The following PLPPR4 variants were observed in gnomAD, a reference collection of about 807,000 sequenced individuals.
PLPPR4 encodes phospholipid phosphatase-related protein type 4.
Under a neutral mutation model 56.6 loss-of-function variants are expected in PLPPR4, and 24 were observed. That is an observed-to-expected ratio of 0.42 (90% confidence interval 0.31 to 0.60). The LOEUF (loss-of-function observed/expected upper bound fraction) is 0.60, where lower values mean the gene tolerates loss of function less well. PLPPR4 is among the 20% of genes least tolerant of loss of function. The pLI is 0.13. For synonymous variants in PLPPR4, 326 were observed against 328.1 expected, an observed-to-expected ratio of 0.99 and a Z score of 0.07; for missense variants, 654 against 885.8, an observed-to-expected ratio of 0.74 and a Z score of 3.32.
rs1384295627 is a variant in PLPPR4 at position 99,308,587 on chromosome 1, T to C, written c.*1577T>C. The C allele has an allele frequency of 1.3e-5, 2 of 152,622 alleles. No homozygotes were observed. Among genetic ancestry groups the C allele is most frequent in the East Asian group, 1.9e-4 (1 of 5,202 alleles). The allele number at this position is 152,622 out of a possible 1,614,324, so 9.5% of individuals were successfully genotyped here. ...GGATGAAAGGAAACAACAGAGATGG[T>C]TGATCTGATCTTAGCTCACTTTCCA... On this transcript the variant is annotated 3_prime_UTR_variant, in exon 7 of 7. Coordinates refer to ENST00000370185, the MANE Select transcript of PLPPR4 (RefSeq NM_014839.5).
At chr1:99,270,050 G>A in intron 1 of PLPPR4, among the ~76,000 whole-genome samples, 1 of 137,422 alleles carries the variant, frequency 7.3e-6, no homozygotes, top group East Asian at 2.2e-4. Flanking sequence ...TGTGTGGCAG[G>A]GTCTTGCTCT....
At chr1:99,279,917 A>C (rs992882618) in intron 1 of PLPPR4, among the ~76,000 whole-genome samples, 2 of 152,244 alleles carry the variant, frequency 1.3e-5, no homozygotes, top group African/African-American at 4.8e-5. Flanking sequence ...GTCTAAGTAC[A>C]TACCTAATAA....
chr1:99,305,702 G>T lies in PLPPR4; in HGVS notation c.840G>T (p.Gly280=), dbSNP rs1660004796. 6.2e-7 allele frequency: 1 copy of T among 1,613,240 alleles called. No individual in the cohort carries two copies. The highest frequency in any genetic ancestry group is 2.2e-5 in the East Asian group (1 of 44,856). The stretch of plus-strand genomic sequence containing the variant: ...AACACTAGGGCTTGTATGCTGTGGG[G>T]AATTTCCTGCCCAGTGATGAGAGTA... The part of the protein sequence containing the change: ...IALYLGLYAV[G]NFLPSDESMF... Residue 280 remains glycine, a synonymous_variant, in exon 7 of 7, where the codon GGG becomes GGT. Transcript: ENST00000370185.
At chr1:99,290,556 C>T (rs527708753) in intron 2 of PLPPR4, among the ~76,000 whole-genome samples, 1 of 152,224 alleles carries the variant, frequency 6.6e-6, no homozygotes, top group Admixed American at 6.5e-5. Context: ...TACAGGGCTA[C>T]AGTAACCAAA....
rs1469564686 is a variant in PLPPR4 at position 99,306,867 on chromosome 1, A to T, written c.2005A>T (p.Thr669Ser). ...AGAGGGCAGCGAAATTGGCTCAGAGACGCTGTCCATTTCTTCTTCCCGCGA... is the reference window on the plus strand; with the variant it reads ...AGAGGGCAGCGAAATTGGCTCAGAGTCGCTGTCCATTTCTTCTTCCCGCGA... Reference protein sequence around the residue: ...PVEGSEIGSETLSISSSRDST... With the variant: ...PVEGSEIGSESLSISSSRDST... Residue 669 changes from threonine (T) to serine (S), a missense_variant, in exon 7 of 7, where the codon ACG becomes TCG. Physicochemically the swap from Thr to Ser is moderately conservative, Grantham distance 58. This residue lies in a region of PLPPR4 where 468 missense variants were observed against 554.3 expected (regional missense o/e 0.84). Coordinates refer to ENST00000370185, the MANE Select transcript of PLPPR4 (RefSeq NM_014839.5). This position sits in a 1 kb window ranked among gnomAD's most constrained non-coding sequence, Gnocchi z 4.0. 4 of 1,614,098 alleles carry T rather than the reference A, an allele frequency of 2.5e-6. No individual in the cohort carries two copies. In the African/African-American group the frequency reaches 4.0e-5, roughly 16 times the overall value.
At chr1:99,268,634 G>C (rs1436654033) in intron 1 of PLPPR4, among the ~76,000 whole-genome samples, 2 of 152,152 alleles carry the variant, frequency 1.3e-5, no homozygotes, top group Non-Finnish European at 2.9e-5. Context: ...ATGGTGACTT[G>C]AAAAATACGA....
At chr1:99,271,255 A>G (rs796473845) in intron 1 of PLPPR4, among the ~76,000 whole-genome samples, 1 of 152,172 alleles carries the variant, frequency 6.6e-6, no homozygotes, top group Non-Finnish European at 1.5e-5. Flanking sequence ...CCCTACTGAG[A>G]AGGCATTGTT....
At chr1:99,293,442 A>T (rs1344865956) in intron 2 of PLPPR4, among the ~76,000 whole-genome samples, 1 of 152,132 alleles carries the variant, frequency 6.6e-6, no homozygotes, top group Non-Finnish European at 1.5e-5. Context: ...TAAAACAAGC[A>T]TTCTGTTTTA....
chr1:99,288,420 C>A (rs1659527335), intron 2 of PLPPR4, among the ~76,000 whole-genome samples: 1 of 152,020 alleles, frequency 6.6e-6, no homozygotes, highest in Admixed American at 6.6e-5. Flanking sequence ...CTTTATAATT[C>A]ACTTTGAATG....
At chr1:99,287,021 T>C (rs2100797541) in intron 1 of PLPPR4, among the ~76,000 whole-genome samples, 1 of 152,162 alleles carries the variant, frequency 6.6e-6, no homozygotes. Flanking sequence ...TGACCTGTCT[T>C]CTAAGTTCCC....
chr1:99,268,911 CAA>C (rs1270293392), intron 1 of PLPPR4, among the ~76,000 whole-genome samples: 1 of 152,142 alleles, frequency 6.6e-6, no homozygotes. Context: ...CTAGAGTTAA[CAA>C]AAGAGTATTC....
In PLPPR4 at chr1:99,296,649, G is replaced by A. The variant is rs889836072; in HGVS notation, c.265-89G>A. 8.7e-5 allele frequency: 95 copies of A among 1,088,546 alleles called. 2 individuals carry two copies. In the South Asian group the frequency reaches 2.3e-3, roughly 26 times the overall value. 67.4% of individuals were successfully genotyped at this position (1,088,546 alleles called of 1,614,324 possible). ...CATCTTTACTTTATTGAATTGATAT[G>A]TTAAAAAGTGATATATAATTCCTTT... On this transcript the variant is annotated intron_variant, in intron 2 of 6. Transcript: ENST00000370185.
At chr1:99,302,161 C>T (rs1659896292) in intron 6 of PLPPR4, among the ~76,000 whole-genome samples, 2 of 151,988 alleles carry the variant, frequency 1.3e-5, no homozygotes, top group Non-Finnish European at 2.9e-5. Context: ...GCAGGGACTA[C>T]TATTACTACT....
chr1:99,302,411 A>T (rs1438873497), intron 6 of PLPPR4, among the ~76,000 whole-genome samples: 1 of 152,118 alleles, frequency 6.6e-6, no homozygotes, highest in Non-Finnish European at 1.5e-5. Flanking sequence ...TTTGTCATGC[A>T]TGCATGCATT....
At position 99,290,947 on chromosome 1, in the gene PLPPR4, T is replaced by C. The variant is rs1178245121; in HGVS notation, c.264+2797T>C. The stretch of plus-strand genomic sequence containing the variant: ...CAAAAGCAAAAATTGAAAAATGGGA[T>C]CCAATTAAACTAGAGAGCTTCTGAA... On this transcript the variant is annotated intron_variant, in intron 2 of 6. Transcript: ENST00000370185. Among the ~76,000 whole-genome samples, 5 of 151,980 alleles carry C rather than the reference T, an allele frequency of 3.3e-5. No homozygotes were observed. The East Asian group carries it at 7.7e-4, about 24-fold the overall frequency.
At chr1:99,298,875 G>A (rs1570922161) in intron 3 of PLPPR4, 160 bp from the exon 4 acceptor site, 1 of 699,074 alleles carries the variant, frequency 1.4e-6, no homozygotes, top group Non-Finnish European at 2.6e-6. Flanking sequence ...TTAAGTATCT[G>A]TTTAGAAGTT....
At chr1:99,286,403 ATAAAT>A (rs1421723367) in intron 1 of PLPPR4, among the ~76,000 whole-genome samples, 1 of 152,204 alleles carries the variant, frequency 6.6e-6, no homozygotes, top group African/African-American at 2.4e-5. Flanking sequence ...GCCAGGACTT[ATAAAT>A]AACACTGGCA....
intron 1 of PLPPR4, among the ~76,000 whole-genome samples, chr1:99,274,613 T>C (rs527321778): frequency 4.8e-4 from 73 of 152,274 alleles, no homozygotes; most frequent in African/African-American, 1.7e-3. Context: ...TCCTGCTCAT[T>C]TTTATAGATA....
At chr1:99,274,047 G>A (rs1411335648) in intron 1 of PLPPR4, among the ~76,000 whole-genome samples, 2 of 151,990 alleles carry the variant, frequency 1.3e-5, no homozygotes, top group African/African-American at 4.8e-5. Flanking sequence ...AGGCATCACT[G>A]AAGCAAAGAA....
Sources: gnomAD v4.1 joint callset for allele counts (sites outside exome capture counted in the v4.1 genomes callset) on GRCh38, gnomAD v4.1.1 for gene constraint, gnomAD v4.1.1 regional missense constraint, Gnocchi (gnomAD v3.1) non-coding constraint, MANE v1.5 for transcripts, NCBI Gene and HGNC (gene_info 2026-07-23, HGNC 2026-07-21) for gene names.